Variants in DOCK2 observed in about 807,000 individuals in gnomAD.
DOCK2 encodes dedicator of cytokinesis 2.
Under a neutral mutation model 248.9 loss-of-function variants are expected in DOCK2, and 87 were observed. That is an observed-to-expected ratio of 0.35 (90% confidence interval 0.29 to 0.42). The LOEUF (loss-of-function observed/expected upper bound fraction) is 0.42, where lower values mean the gene tolerates loss of function less well. Among genes scored for constraint, DOCK2 ranks in the 10% least tolerant of loss-of-function variants. DOCK2 has a pLI of 1.00. For missense variants in DOCK2, 1,747 were observed against 2,300.2 expected (o/e 0.76, Z 4.92); for synonymous variants, 805 against 821.6 (o/e 0.98, Z 0.35).
intron 27 of DOCK2, chr5:169,841,419 T>C: frequency 1.0e-6 from 1 of 986,438 alleles, no homozygotes; most frequent in Non-Finnish European, 1.2e-6. Flanking sequence ...TCGAACCCTT[T>C]AACCTCTGCC....
chr5:169,753,407 T>C (rs755211142), intron 23 of DOCK2, among the ~76,000 whole-genome samples: 3 of 148,086 alleles, frequency 2.0e-5, no homozygotes, highest in Admixed American at 6.8e-5. Context: ...CCACCCTGTG[T>C]TCTTATTCTT....
chr5:169,829,938 T>C (rs922549056), intron 26 of DOCK2, among the ~76,000 whole-genome samples: 1 of 152,232 alleles, frequency 6.6e-6, no homozygotes, highest in Non-Finnish European at 1.5e-5. Flanking sequence ...AGACTGGAGA[T>C]GCAGGTCCCT....
chr5:169,875,290 G>A (rs1772257300), intron 27 of DOCK2: 1 of 456,568 alleles, frequency 2.2e-6, no homozygotes, highest in Admixed American at 2.3e-5. Flanking sequence ...TGGCTTTGGG[G>A]CTGAAACCCA....
At chr5:170,063,345 T>A (rs769640935) in intron 44 of DOCK2, among the ~76,000 whole-genome samples, 1 of 152,178 alleles carries the variant, frequency 6.6e-6, no homozygotes, top group African/African-American at 2.4e-5. Context: ...GGAGCAGGCA[T>A]ATGCAATTCT....
At chr5:169,840,365 C>G (rs1769875216) in intron 26 of DOCK2, among the ~76,000 whole-genome samples, 1 of 152,178 alleles carries the variant, frequency 6.6e-6, no homozygotes, top group Non-Finnish European at 1.5e-5. Flanking sequence ...GCCCCACCTC[C>G]AACACTGGGG....
intron 32 of DOCK2, among the ~76,000 whole-genome samples, chr5:170,010,898 C>T (rs774358794): frequency 1.3e-5 from 2 of 152,188 alleles, no homozygotes; most frequent in Non-Finnish European, 2.9e-5. Flanking sequence ...CCTTCATTGC[C>T]ATTGTTTTGC....
intron 25 of DOCK2, among the ~76,000 whole-genome samples, chr5:169,792,792 GAAAC>G (rs1266036777): frequency 6.6e-6 from 1 of 152,150 alleles, no homozygotes; most frequent in Non-Finnish European, 1.5e-5. Flanking sequence ...TAAGCATTAG[GAAAC>G]AAATCAAATT....
intron 12 of DOCK2, 129 bp from the exon 13 acceptor site, chr5:169,699,885 G>A (rs1760865522): frequency 4.4e-6 from 6 of 1,349,026 alleles, no homozygotes; most frequent in Admixed American, 2.0e-5. Flanking sequence ...GGGCTGGGTG[G>A]CTGCATCTGT....
chr5:170,002,332 A>G (rs1296972726), intron 30 of DOCK2, among the ~76,000 whole-genome samples: 1 of 152,218 alleles, frequency 6.6e-6, no homozygotes, highest in African/African-American at 2.4e-5. Context: ...TGTAGCAATA[A>G]AAGAGAATGA....
chr5:169,974,493 T>C (rs1054530722), intron 27 of DOCK2, among the ~76,000 whole-genome samples: 1 of 152,230 alleles, frequency 6.6e-6, no homozygotes, highest in Non-Finnish European at 1.5e-5. Context: ...TTATTACTGT[T>C]GTTTAGCCCA....
chr5:169,957,427 C>G (rs754790707), intron 27 of DOCK2, among the ~76,000 whole-genome samples: 1 of 152,192 alleles, frequency 6.6e-6, no homozygotes. Context: ...TAGCTTAGTA[C>G]TACTTTTTCT....
chr5:170,009,803 G>A (rs1018552051), intron 32 of DOCK2, among the ~76,000 whole-genome samples: 2 of 152,194 alleles, frequency 1.3e-5, no homozygotes, highest in African/African-American at 4.8e-5. Flanking sequence ...ATAGAGCAGT[G>A]GATAGATGAT....
At chr5:169,988,061 G>A (rs1423434684) in intron 29 of DOCK2, among the ~76,000 whole-genome samples, 12 of 152,058 alleles carry the variant, frequency 7.9e-5, no homozygotes, top group Non-Finnish European at 4.4e-5. Flanking sequence ...AATAATAATA[G>A]CGTTGCCATC....
At position 169,958,290 on chromosome 5, in the gene DOCK2, G is replaced by A. The variant is rs774346847; in HGVS notation, c.2800-24778G>A. Among the ~76,000 whole-genome samples the A allele has an allele frequency of 4.2e-4, 64 of 152,208 alleles. No homozygotes were observed. The Middle Eastern group carries it at 0.01, about 24-fold the overall frequency. ...GCACTGTTATTAATAAGAAGCTTAT[G>A]AATCTATTAGATATGGTCTTTGCCT... On this transcript the variant is annotated intron_variant, in intron 27 of 51. Transcript: ENST00000520908.
At chr5:169,898,190 A>C (rs1189797648) in intron 27 of DOCK2, among the ~76,000 whole-genome samples, 1 of 152,068 alleles carries the variant, frequency 6.6e-6, no homozygotes. Flanking sequence ...ATGAACAAGT[A>C]TGTGTCCCTG....
Position 170,059,646 on chromosome 5 carries a change from A to T in DOCK2, c.4467+1980A>T, listed in dbSNP as rs151100898. Among the ~76,000 whole-genome samples the T allele has an allele frequency of 2.6e-5, 4 of 152,334 alleles. No individual in the cohort carries two copies. In the East Asian group the frequency reaches 7.7e-4, roughly 29 times the overall value. On this transcript the variant is annotated intron_variant, in intron 44 of 51. Coordinates refer to ENST00000520908, the MANE Select transcript of DOCK2 (RefSeq NM_004946.3). ...CCACTAGAATATAAATTCCAAGAAG[A>T]CAGATATTTTGTCTATTTTATTTTC...
At chr5:170,014,633 GT>G (rs1755440640) in intron 32 of DOCK2, among the ~76,000 whole-genome samples, 1 of 73,796 alleles carries the variant, frequency 1.4e-5, no homozygotes, top group Non-Finnish European at 2.4e-5. Flanking sequence ...GCAGAGACAT[GT>G]GTTGGGGGGG....
chr5:170,022,454 G>C (rs370831437), intron 33 of DOCK2, among the ~76,000 whole-genome samples: 1 of 151,894 alleles, frequency 6.6e-6, no homozygotes, highest in African/African-American at 2.4e-5. Flanking sequence ...GACAGCTGAT[G>C]GGTTTGACTG....
chr5:169,731,853 G>T (rs566975615), intron 22 of DOCK2, among the ~76,000 whole-genome samples: 1 of 152,266 alleles, frequency 6.6e-6, no homozygotes, highest in South Asian at 2.1e-4. Flanking sequence ...TGGTGTGGTG[G>T]CTCATGCCTG....
Sources: gnomAD v4.1 joint callset for allele counts (sites outside exome capture counted in the v4.1 genomes callset) on GRCh38, gnomAD v4.1.1 for gene constraint, MANE v1.5 for transcripts, NCBI Gene and HGNC (gene_info 2026-07-23, HGNC 2026-07-21) for gene names.